The following KIF26B variants were observed in gnomAD, a reference collection of about 807,000 sequenced individuals.
The protein encoded by KIF26B is kinesin family member 26B.
KIF26B carries 63 observed loss-of-function variants against 151.2 expected under a neutral mutation model. The ratio of observed to expected loss-of-function variants is 0.42; its 90% CI spans 0.34 to 0.51. The LOEUF (loss-of-function observed/expected upper bound fraction) is 0.51. Among genes scored for constraint, KIF26B ranks in the 20% least tolerant of loss-of-function variants. KIF26B has a pLI of 0.07. For synonymous variants in KIF26B, 1,357 were observed against 1,262.1 expected (o/e 1.08, Z -1.59); for missense variants, 2,813 against 2,913.6 (o/e 0.97, Z 0.79).
chr1:245,623,026 GTTTTTTT>G (rs56666383), intron 9 of KIF26B, among the ~76,000 whole-genome samples: 38 of 111,866 alleles, frequency 3.4e-4, no homozygotes, highest in South Asian at 2.3e-3. Context: ...TCGTGAGCAA[GTTTTTTT>G]TTTTTTTTTT....
chr1:245,418,094 G>A (rs1674464651), intron 3 of KIF26B, among the ~76,000 whole-genome samples: 1 of 152,234 alleles, frequency 6.6e-6, no homozygotes, highest in African/African-American at 2.4e-5. Flanking sequence ...GGGGATGACG[G>A]TGTGCATCGC....
chr1:245,691,765 C>T (rs2044628948), intron 12 of KIF26B, among the ~76,000 whole-genome samples: 1 of 152,132 alleles, frequency 6.6e-6, no homozygotes, highest in African/African-American at 2.4e-5. Context: ...GGGAAAATAA[C>T]CTTGACCTCT....
intron 2 of KIF26B, among the ~76,000 whole-genome samples, chr1:245,335,767 G>T (rs1292886418): frequency 6.9e-6 from 1 of 145,234 alleles, no homozygotes; most frequent in African/African-American, 2.6e-5. Context: ...AGAGTCCCAC[G>T]CAGGGAAAGG....
chr1:245,394,684 C>CTTTTTTTTTTTTTTTTTTTTTTTTTTTT (rs1444711983), intron 3 of KIF26B, among the ~76,000 whole-genome samples: 1 of 124,400 alleles, frequency 8.0e-6, no homozygotes, highest in African/African-American at 4.0e-5. Context: ...AAGTTTTTTT[C>CTTTTTTTTTTTTTTTTTTTTTTTTTTTT]TTTCTTTTTT....
At chr1:245,257,948 G>A (rs1670568207) in intron 2 of KIF26B, among the ~76,000 whole-genome samples, 2 of 152,124 alleles carry the variant, frequency 1.3e-5, no homozygotes, top group Non-Finnish European at 2.9e-5. Context: ...CTTGAACCGG[G>A]AAGGCGGAGG....
At chr1:245,267,634 G>A (rs1036288753) in intron 2 of KIF26B, among the ~76,000 whole-genome samples, 1 of 136,334 alleles carries the variant, frequency 7.3e-6, no homozygotes, top group Non-Finnish European at 1.6e-5. Flanking sequence ...GCTAAGTAAT[G>A]CACACACACA....
At chr1:245,608,907 A>G (rs2043486836) in intron 7 of KIF26B, among the ~76,000 whole-genome samples, 1 of 151,788 alleles carries the variant, frequency 6.6e-6, no homozygotes, top group Admixed American at 6.6e-5. Context: ...ATGCCCCACC[A>G]CACCCAGATA....
In KIF26B at chr1:245,520,603, C is replaced by T. The variant is rs12749465; in HGVS notation, c.1167-20164C>T. 3.2e-3 allele frequency among the ~76,000 whole-genome samples: 279 copies of T among 88,276 alleles called. 4 individuals carry two copies. The highest frequency in any genetic ancestry group is 0.027 in the East Asian group (47 of 1,722). The allele number at this position is 88,276 out of a possible 152,430, so 57.9% of individuals were successfully genotyped here. ...ATCCATCCATCCATCCATCCATCCA[C>T]CCACCCACCCATCCATCCATCCATC... On this transcript the variant is annotated intron_variant, in intron 4 of 14. Transcript: ENST00000407071.
In KIF26B at chr1:245,632,327, TA is replaced by T. The variant is rs1364481625; in HGVS notation, c.2099-13793del. ...ATGGTTTTAAATTTTCATTTATTTG[TA>T]CAGTTTCTAAAGTTCTTGTTATTGA... On this transcript the variant is annotated intron_variant, in intron 9 of 14. Transcript: ENST00000407071. Among the ~76,000 whole-genome samples the T allele has an allele frequency of 2.0e-5, 3 of 152,246 alleles. No individual in the cohort carries two copies. The East Asian group carries it at 5.8e-4, about 29-fold the overall frequency.
intron 2 of KIF26B, among the ~76,000 whole-genome samples, chr1:245,200,949 G>A (rs1669290521): frequency 6.6e-6 from 1 of 152,138 alleles, no homozygotes; most frequent in South Asian, 2.1e-4. Flanking sequence ...TTCTTGTTTT[G>A]TAGAAAAAGT....
chr1:245,248,350 G>A (rs555967511), intron 2 of KIF26B, among the ~76,000 whole-genome samples: 3 of 152,308 alleles, frequency 2.0e-5, no homozygotes, highest in South Asian at 4.1e-4. Context: ...CCGCCTGCCC[G>A]TGAGAAGGCA....
intron 5 of KIF26B, among the ~76,000 whole-genome samples, chr1:245,593,001 T>G (rs942839461): frequency 1.3e-5 from 2 of 152,118 alleles, no homozygotes; most frequent in Admixed American, 1.3e-4. Flanking sequence ...AAGACCTCCA[T>G]GATCATTGCC....
At chr1:245,646,686 G>T (rs1482767679) in intron 10 of KIF26B, among the ~76,000 whole-genome samples, 1 of 152,082 alleles carries the variant, frequency 6.6e-6, no homozygotes, top group Non-Finnish European at 1.5e-5. Flanking sequence ...AGGATATCCA[G>T]GCAAATTCAA....
Position 245,614,080 on chromosome 1 carries a change from C to T in KIF26B, c.2098+2104C>T, listed in dbSNP as rs115701559. 4.0e-3 allele frequency among the ~76,000 whole-genome samples: 611 copies of T among 152,234 alleles called. 6 individuals are homozygous for T. The highest frequency in any genetic ancestry group is 0.014 in the African/African-American group (570 of 41,530). The stretch of plus-strand genomic sequence containing the variant: ...GGCCTTTTGTGTCTGGCTTCTTTCA[C>T]GTAGTGTCCTAATGCATTTGAGACT... On this transcript the variant is annotated intron_variant, in intron 9 of 14. Transcript: ENST00000407071.
At chr1:245,436,592 A>G (rs899665685) in intron 4 of KIF26B, among the ~76,000 whole-genome samples, 1 of 152,144 alleles carries the variant, frequency 6.6e-6, no homozygotes, top group Non-Finnish European at 1.5e-5. Flanking sequence ...AAGGCCTTCA[A>G]CTGATTGGAT....
At chr1:245,242,792 C>T (rs1670233231) in intron 2 of KIF26B, among the ~76,000 whole-genome samples, 2 of 152,090 alleles carry the variant, frequency 1.3e-5, no homozygotes, top group African/African-American at 2.4e-5. Flanking sequence ...GCTGGGATTA[C>T]AGGCACGCAC....
chr1:245,456,437 A>G (rs1316775625), intron 4 of KIF26B, among the ~76,000 whole-genome samples: 1 of 152,264 alleles, frequency 6.6e-6, no homozygotes, highest in Non-Finnish European at 1.5e-5. Flanking sequence ...ATTCTACACC[A>G]GCACTATATG....
intron 9 of KIF26B, among the ~76,000 whole-genome samples, chr1:245,633,681 AT>A (rs1558244966): frequency 1.3e-5 from 2 of 151,752 alleles, no homozygotes; most frequent in African/African-American, 4.8e-5. Context: ...TTTACTTTTC[AT>A]TCATTTTTTA....
chr1:245,467,573 A>C (rs1659822923), intron 4 of KIF26B, among the ~76,000 whole-genome samples: 1 of 152,276 alleles, frequency 6.6e-6, no homozygotes, highest in Non-Finnish European at 1.5e-5. Flanking sequence ...GGGCCCCACC[A>C]GTCTGATATT....
Sources: allele counts gnomAD v4.1 joint callset (sites outside exome capture counted in the v4.1 genomes callset), GRCh38; gene constraint gnomAD v4.1.1; transcripts MANE v1.5; gene names NCBI Gene and HGNC (gene_info 2026-07-23, HGNC 2026-07-21).